SCFD1: variants seen among roughly 807,000 people sequenced by gnomAD.
SCFD1 encodes the protein sec1 family domain containing 1.
In SCFD1, 37 loss-of-function variants were observed where a neutral mutation model predicts 103.2. That is an observed-to-expected ratio of 0.36 (90% CI 0.28 to 0.47). The LOEUF is 0.47. SCFD1 is among the 20% of genes least tolerant of loss of function. SCFD1 has a pLI of 1.00. For missense variants in SCFD1, 639 were observed against 761.2 expected, an observed-to-expected ratio of 0.84 and a Z score of 1.89; for synonymous variants, 264 against 245.0, an observed-to-expected ratio of 1.08 and a Z score of -0.73.
intron 10 of SCFD1, among the ~76,000 whole-genome samples, chr14:30,655,441 G>T (rs891910868): frequency 3.3e-5 from 5 of 152,200 alleles, no homozygotes; most frequent in Admixed American, 6.5e-5. Flanking sequence ...TATTGTGATT[G>T]TAAAGGCCAT....
chr14:30,639,692 C>T, intron 5 of SCFD1, 85 bp from the exon 6 acceptor site: 6 of 1,324,544 alleles, frequency 4.5e-6, no homozygotes, highest in Non-Finnish European at 5.9e-6. Context: ...TCATTTCTAC[C>T]ATTGGTAGGT....
At chr14:30,695,845 C>G (rs1431637052) in intron 15 of SCFD1, among the ~76,000 whole-genome samples, 17 of 152,014 alleles carry the variant, frequency 1.1e-4, no homozygotes, top group Non-Finnish European at 2.9e-5. Flanking sequence ...GCACTCCAGC[C>G]TGGGTGGCAG....
chr14:30,643,770 A>G (rs1241256559), intron 7 of SCFD1: 2 of 303,324 alleles, frequency 6.6e-6, no homozygotes, highest in Non-Finnish European at 1.3e-5. Context: ...TTTGGTAACT[A>G]TTAAGTTCAG....
chr14:30,650,072 T>C (rs1163527452), intron 8 of SCFD1, among the ~76,000 whole-genome samples: 3 of 152,186 alleles, frequency 2.0e-5, no homozygotes, highest in African/African-American at 7.2e-5. Context: ...ATAGAATTAC[T>C]GAAAAAGAAG....
At position 30,719,367 on chromosome 14, in the gene SCFD1, G is replaced by A; in HGVS notation, c.1726G>A (p.Gly576Ser). ...YRYFDPKMLR[G>S]NDSSVPRNKN... ...ATATTTTGATCCCAAAATGCTGCGG[G>A]GCAATGACAGGTAAGCAGCTTTTGT... Residue 576 changes from glycine (G) to serine (S), a missense_variant, in exon 21 of 25, where the codon GGC (glycine) becomes AGC (serine). Gly to Ser is a moderately conservative substitution (Grantham distance 56). Transcript: ENST00000458591. The A allele has an allele frequency of 6.2e-7, 1 of 1,605,084 alleles. No individual in the cohort carries two copies. Among genetic ancestry groups the A allele is most frequent in the Non-Finnish European group, 8.5e-7 (1 of 1,176,142 alleles).
intron 19 of SCFD1, among the ~76,000 whole-genome samples, chr14:30,708,530 T>TA (rs5807593): frequency 2.6e-5 from 4 of 151,800 alleles, no homozygotes; most frequent in Non-Finnish European, 5.9e-5. Context: ...TATACTTTTT[T>TA]AAAAAAAAAT....
At chr14:30,650,469 A>G (rs183209121) in intron 8 of SCFD1, 96 bp from the exon 9 acceptor site, 12 of 715,424 alleles carry the variant, frequency 1.7e-5, no homozygotes, top group African/African-American at 5.4e-5. Context: ...AAGAAATTCC[A>G]GGTTTCTTGG....
chr14:30,629,610 G>T (rs536233294), intron 2 of SCFD1, among the ~76,000 whole-genome samples: 2 of 139,386 alleles, frequency 1.4e-5, no homozygotes, highest in African/African-American at 5.5e-5. Context: ...ATGGAATCTC[G>T]CTTTGTCGCC....
intron 5 of SCFD1, 87 bp from the exon 6 acceptor site, chr14:30,639,690 A>G (rs1885074890): frequency 1.5e-6 from 2 of 1,324,186 alleles, no homozygotes; most frequent in South Asian, 3.1e-5. Context: ...TTTCATTTCT[A>G]CCATTGGTAG....
intron 2 of SCFD1, 57 bp from the exon 3 acceptor site, chr14:30,630,420 T>C (rs1332257758): frequency 2.1e-6 from 2 of 953,994 alleles, no homozygotes; most frequent in Non-Finnish European, 3.4e-6. Flanking sequence ...ATTGTCTTAA[T>C]ATAGGTTCAC....
intron 14 of SCFD1, among the ~76,000 whole-genome samples, chr14:30,677,336 A>T (rs11846408): frequency 0.32 from 48,031 of 151,716 alleles, 8,512 homozygotes; most frequent in East Asian, 0.62. Context: ...AAAAAAATAG[A>T]TATTATTGAA....
intron 22 of SCFD1, 147 bp from the exon 23 acceptor site, chr14:30,722,347 T>A: frequency 1.8e-6 from 1 of 553,718 alleles, no homozygotes; most frequent in South Asian, 3.1e-5. Flanking sequence ...AATTTATAAA[T>A]TGACTTTTTA....
At chr14:30,674,110 A>G (rs1888806004) in intron 13 of SCFD1, 113 bp downstream of exon 13, 1 of 692,090 alleles carries the variant, frequency 1.4e-6, no homozygotes. Flanking sequence ...GCAATAGCAA[A>G]TATAACTTTG....
In SCFD1 at chr14:30,642,995, G is replaced by A. The variant is rs565810396; in HGVS notation, c.524-321G>A. Among the ~76,000 whole-genome samples the A allele has an allele frequency of 2.6e-5, 4 of 151,960 alleles. No homozygotes were observed. In the East Asian group the frequency reaches 7.8e-4, roughly 29 times the overall value. On this transcript the variant is annotated intron_variant, in intron 6 of 24. Coordinates refer to ENST00000458591, the MANE Select transcript of SCFD1 (RefSeq NM_016106.4). Reference sequence around the variant, plus strand: ...AAGACCAGCCTGGGCAACATAGGGAGACCCATCTCTACAAAAAAAATTGTT... The same window carrying A: ...AAGACCAGCCTGGGCAACATAGGGAAACCCATCTCTACAAAAAAAATTGTT...
intron 14 of SCFD1, among the ~76,000 whole-genome samples, chr14:30,678,127 C>T (rs1157698845): frequency 3.3e-5 from 5 of 152,032 alleles, no homozygotes; most frequent in East Asian, 3.9e-4. Flanking sequence ...CGTGAGCCAC[C>T]GCGCCTGGCC....
chr14:30,648,375 G>A (rs188329039), intron 7 of SCFD1, among the ~76,000 whole-genome samples: 5 of 152,218 alleles, frequency 3.3e-5, no homozygotes, highest in Non-Finnish European at 7.4e-5. Flanking sequence ...AGTGTTCTCA[G>A]TTTGTCTTAT....
chr14:30,635,728 G>T (rs572243156), intron 4 of SCFD1, among the ~76,000 whole-genome samples: 1 of 152,154 alleles, frequency 6.6e-6, no homozygotes, highest in East Asian at 1.9e-4. Flanking sequence ...TCATGTGCAG[G>T]TTTCTCTGTG....
chr14:30,631,187 C>T (rs984529094), intron 3 of SCFD1, among the ~76,000 whole-genome samples: 9 of 151,918 alleles, frequency 5.9e-5, no homozygotes, highest in Non-Finnish European at 2.9e-5. Flanking sequence ...GCCATCTTCA[C>T]TAAAAAAAAT....
intron 23 of SCFD1, among the ~76,000 whole-genome samples, chr14:30,723,925 T>C (rs879908852): frequency 6.6e-6 from 1 of 152,074 alleles, no homozygotes; most frequent in Admixed American, 6.6e-5. Context: ...AGTAATGGGA[T>C]TGCAGGGTTG....
Sources: gnomAD v4.1 joint callset for allele counts (sites outside exome capture counted in the v4.1 genomes callset) on GRCh38, gnomAD v4.1.1 for gene constraint, MANE v1.5 for transcripts, NCBI Gene and HGNC (gene_info 2026-07-23, HGNC 2026-07-21) for gene names.